The following BRCA2 variants were observed in gnomAD, a reference collection of about 807,000 sequenced individuals.
BRCA2 encodes the protein breast cancer type 2 susceptibility protein.
A neutral mutation model predicts 276.7 loss-of-function variants in BRCA2; 203 were observed. The observed-to-expected ratio is 0.73, with a 90% CI of 0.65 to 0.82. BRCA2 has a LOEUF of 0.82. BRCA2 is among the 40% of genes least tolerant of loss of function. The probability of loss-of-function intolerance (pLI) is 0.00; values close to 1 mark genes in which losing one functional copy is unlikely to be tolerated. For missense variants in BRCA2, 3,920 were observed against 3,915.0 expected (o/e 1.00, Z -0.03); for synonymous variants, 1,289 against 1,338.4 (o/e 0.96, Z 0.81).
Position 32,346,885 on chromosome 13 carries a change from T to C in BRCA2, c.6996T>C (p.Cys2332=), listed in dbSNP as rs779498845. ...ATGTTTCTTTAGAGCCGATTACCTG[T>C]GTACCCTTTCGGTAAGACATGTTTA... ...MHHVSLEPIT[C]VPFRTTKERQ... Residue 2332 remains cysteine (C), a synonymous_variant, in exon 13 of 27, where the codon TGT becomes TGC. Coordinates refer to ENST00000380152, the MANE Select transcript of BRCA2 (RefSeq NM_000059.4). The C allele has an allele frequency of 7.5e-6, 12 of 1,608,726 alleles. No homozygotes were observed. The South Asian group carries it at 8.9e-5, about 12-fold the overall frequency.
At chr13:32,345,380 T>C (rs531228715) in intron 12 of BRCA2, among the ~76,000 whole-genome samples, 34 of 152,166 alleles carry the variant, frequency 2.2e-4, no homozygotes, top group African/African-American at 7.9e-4. Context: ...ACATAACATT[T>C]TACTAATAAG....
chr13:32,341,632 C>T (rs773036), intron 11 of BRCA2, among the ~76,000 whole-genome samples: 5 of 152,070 alleles, frequency 3.3e-5, no homozygotes, highest in African/African-American at 4.8e-5. Context: ...TCCGGGAGGC[C>T]GAGGCGGGCG....
chr13:32,388,807 T>C (rs1215121139), intron 24 of BRCA2, among the ~76,000 whole-genome samples: 2 of 152,180 alleles, frequency 1.3e-5, no homozygotes, highest in Non-Finnish European at 2.9e-5. Flanking sequence ...TAAAGTGAGT[T>C]TCCTATAAGG....
chr13:32,355,024 G>GA lies in BRCA2; in HGVS notation c.7177dup (p.Met2393AsnfsTer19), dbSNP rs397507899. On this transcript the variant is annotated frameshift_variant, in exon 14 of 27. Transcript: ENST00000380152. LOFTEE classifies it high-confidence loss of function. ...TTATCAAGTTTCTGCTACAAGAAAT[G>GA]AAAAAATGAGACACTTGATTACTAC... The GA allele has an allele frequency of 1.9e-6, 3 of 1,613,684 alleles. No homozygotes were observed. Among genetic ancestry groups the GA allele is most frequent in the Non-Finnish European group, 2.5e-6 (3 of 1,179,870 alleles).
chr13:32,369,574 T>A (rs969080520), intron 18 of BRCA2, among the ~76,000 whole-genome samples: 1 of 152,050 alleles, frequency 6.6e-6, no homozygotes, highest in Non-Finnish European at 1.5e-5. Flanking sequence ...TGAAGATAAT[T>A]TGTTTGTTTG....
At chr13:32,362,735 A>G (rs1189729649) in intron 17 of BRCA2, 42 bp downstream of exon 17, 8 of 1,605,590 alleles carry the variant, frequency 5.0e-6, no homozygotes, top group East Asian at 2.2e-5. Context: ...ATACGGCAGT[A>G]TGGTTAAGGT....
intron 24 of BRCA2, among the ~76,000 whole-genome samples, chr13:32,382,121 T>G (rs955744882): frequency 4.6e-5 from 7 of 152,130 alleles, no homozygotes; most frequent in African/African-American, 1.7e-4. Context: ...ACTACAAATT[T>G]TTTTGTATTT....
In BRCA2 at chr13:32,337,522, A is replaced by G. The variant is rs431825301; in HGVS notation, c.3167A>G (p.Gln1056Arg). Residue 1056 changes from glutamine (Q) to arginine (R), a missense_variant, in exon 11 of 27, where the codon CAA (glutamine) becomes CGA (arginine). Physicochemically the swap from Gln to Arg is conservative, Grantham distance 43 (BLOSUM62 1). Coordinates refer to ENST00000380152, the MANE Select transcript of BRCA2 (RefSeq NM_000059.4). ...GTAAATACCTTGGCATTAGATAATC[A>G]AAAGAAACTGAGCAAGCCTCAGTCA... ...EIVNTLALDN[Q>R]KKLSKPQSIN... 10 of 1,608,164 alleles carry G rather than the reference A, an allele frequency of 6.2e-6. No homozygotes were observed. In the African/African-American group the frequency reaches 1.2e-4, roughly 19 times the overall value.
chr13:32,322,575 C>T (rs962089813), intron 3 of BRCA2, among the ~76,000 whole-genome samples: 13 of 152,168 alleles, frequency 8.5e-5, no homozygotes, highest in Non-Finnish European at 1.6e-4. Context: ...CGCCTTTAAG[C>T]GGTTTTCTGC....
At chr13:32,356,047 CTT>C (rs761465579) in intron 14 of BRCA2, among the ~76,000 whole-genome samples, 2 of 141,234 alleles carry the variant, frequency 1.4e-5, no homozygotes, top group Non-Finnish European at 3.1e-5. Context: ...AGGGCTTGCG[CTT>C]TTTTTTTTTT....
At position 32,325,108 on chromosome 13, in the gene BRCA2, C is replaced by T. The variant is rs2137446286; in HGVS notation, c.349C>T (p.Leu117Phe). 1 of 1,606,280 alleles carries T rather than the reference C, an allele frequency of 6.2e-7. No individual in the cohort carries two copies. Among genetic ancestry groups the T allele is most frequent in the Non-Finnish European group, 8.5e-7 (1 of 1,173,050 alleles). Reference sequence around the variant, plus strand: ...TGTTCCCAATAGTAGACATAAAAGTCTTCGCACAGTGAAAACTAAAATGGA... The same window carrying T: ...TGTTCCCAATAGTAGACATAAAAGTTTTCGCACAGTGAAAACTAAAATGGA... ...RNVPNSRHKS[L>F]RTVKTKMDQA... Residue 117 changes from leucine to phenylalanine, a missense_variant, in exon 4 of 27, where the codon CTT (leucine) becomes TTT (phenylalanine). Leu to Phe is a conservative substitution (Grantham distance 22). This residue lies in a region of BRCA2 where 3,263 missense variants were observed against 3,156.9 expected (regional missense o/e 1.03). Transcript: ENST00000380152.
chr13:32,343,300 C>T (rs2072586501), intron 11 of BRCA2, among the ~76,000 whole-genome samples: 1 of 152,070 alleles, frequency 6.6e-6, no homozygotes, highest in Non-Finnish European at 1.5e-5. Context: ...AATGCCAAAA[C>T]TCCAACATTT....
chr13:32,393,188 T>C (rs2073009136), intron 24 of BRCA2, among the ~76,000 whole-genome samples: 2 of 152,336 alleles, frequency 1.3e-5, no homozygotes, highest in African/African-American at 4.8e-5. Context: ...TTCTTTGTAG[T>C]TAATAAATAT....
Position 32,341,107 on chromosome 13 carries a change from A to T in BRCA2, c.6752A>T (p.His2251Leu). 1 of 1,614,018 alleles carries T rather than the reference A, an allele frequency of 6.2e-7. No individual in the cohort carries two copies. The highest frequency in any genetic ancestry group is 8.5e-7 in the Non-Finnish European group (1 of 1,179,950). ...TCTAAACTGCCAAGTCATGCCACAC[A>T]TTCTCTTTTTACATGTCCCGAAAAT... Reference protein sequence around the residue: ...TDSKLPSHATHSLFTCPENEE... With the variant: ...TDSKLPSHATLSLFTCPENEE... The change falls in exon 11 of 27, where the codon CAT becomes CTT. Residue 2251 changes from histidine to leucine, a missense_variant. Physicochemically the swap from His to Leu is moderately conservative, Grantham distance 99. Coordinates refer to ENST00000380152, the MANE Select transcript of BRCA2 (RefSeq NM_000059.4).
chr13:32,365,254 A>G (rs559825428), intron 18 of BRCA2, among the ~76,000 whole-genome samples: 14 of 150,522 alleles, frequency 9.3e-5, no homozygotes, highest in Non-Finnish European at 1.8e-4. Context: ...CTCACGCTTT[A>G]GCCTCCGAGA....
chr13:32,338,528 A>G lies in BRCA2; in HGVS notation c.4173A>G (p.Glu1391=), dbSNP rs2137503637. 1 of 1,604,088 alleles carries G rather than the reference A, an allele frequency of 6.2e-7. No homozygotes were observed. The change falls in exon 11 of 27, where the codon GAA becomes GAG. Residue 1391 remains glutamate, a synonymous_variant. Coordinates refer to ENST00000380152, the MANE Select transcript of BRCA2 (RefSeq NM_000059.4). ...KEDLSDLTFL[E]VAKAQEACHG... is the part of the protein sequence containing the mutation. ...ATTTGTCAGATTTAACTTTTTTGGA[A>G]GTTGCGAAAGCTCAAGAAGCATGTC... is the stretch of plus-strand genomic sequence containing the variant.
At chr13:32,381,509 G>T (rs1258960560) in intron 24 of BRCA2, among the ~76,000 whole-genome samples, 1 of 152,138 alleles carries the variant, frequency 6.6e-6, no homozygotes, top group Non-Finnish European at 1.5e-5. Flanking sequence ...TGGCCATCTG[G>T]GGAAAGCTTT....
Position 32,332,804 on chromosome 13 carries a change from A to G in BRCA2, c.1326A>G (p.Ser442=), listed in dbSNP as rs752685860. ...ENKRKKDFLT[S]ENSLPRISSL... is the part of the protein sequence containing the mutation. ...AAAGAAAGAAAGATTTTCTTACTTC[A>G]GAGAATTCTTTGCCACGTATTTCTA... The change falls in exon 10 of 27, where the codon TCA becomes TCG. Residue 442 remains serine, a synonymous_variant. Coordinates refer to ENST00000380152, the MANE Select transcript of BRCA2 (RefSeq NM_000059.4). 1.9e-6 allele frequency: 3 copies of G among 1,609,960 alleles called. No homozygotes were observed. Among genetic ancestry groups the G allele is most frequent in the Non-Finnish European group, 2.5e-6 (3 of 1,178,970 alleles).
chr13:32,353,119 C>T (rs566537146), intron 13 of BRCA2, among the ~76,000 whole-genome samples: 2 of 152,340 alleles, frequency 1.3e-5, no homozygotes, highest in African/African-American at 2.4e-5. Flanking sequence ...CTCTCTCCTG[C>T]ATGGATTTTT....
Sources: allele counts gnomAD v4.1 joint callset (sites outside exome capture counted in the v4.1 genomes callset), GRCh38; gene constraint gnomAD v4.1.1; regional missense constraint gnomAD v4.1.1; transcripts MANE v1.5; gene names NCBI Gene and HGNC (gene_info 2026-07-23, HGNC 2026-07-21).